Variants in SIGLEC11 observed in about 807,000 individuals in gnomAD.
SIGLEC11 encodes sialic acid binding Ig like lectin 11, also known as sialic acid-binding Ig-like lectin 11.
In SIGLEC11, 47 loss-of-function variants were observed where a neutral mutation model predicts 61.2. That is an observed-to-expected ratio of 0.77 (90% confidence interval 0.61 to 0.98). The LOEUF is 0.98. Ranked by LOEUF, SIGLEC11 falls within the 50% of genes least tolerant of loss-of-function variation. The pLI is 0.00. For synonymous variants in SIGLEC11, 278 were observed against 373.1 expected (o/e 0.75, Z 2.94); for missense variants, 610 against 870.3 (o/e 0.70, Z 3.76).
intron 8 of SIGLEC11, among the ~76,000 whole-genome samples, chr19:49,957,239 G>C (rs925623757): frequency 6.6e-6 from 1 of 152,122 alleles, no homozygotes; most frequent in East Asian, 1.9e-4. Context: ...AAGAAAAAAA[G>C]TGTCTCTTCA....
chr19:49,952,495 T>G (rs761843891), intron 8 of SIGLEC11, 101 bp from the exon 9 acceptor site: 83 of 758,024 alleles, frequency 1.1e-4, no homozygotes, highest in Non-Finnish European at 1.6e-4. Context: ...CATCCCCAAC[T>G]GAGGCAGAAA....
At position 49,951,272 on chromosome 19, in the gene SIGLEC11, T is replaced by C. The variant is rs182406893; in HGVS notation, c.1830+619A>G. On this transcript the variant is annotated intron_variant, in intron 10 of 10. Coordinates refer to ENST00000447370, the MANE Select transcript of SIGLEC11 (RefSeq NM_052884.3). This position sits in a 1 kb window ranked among gnomAD's most constrained non-coding sequence, Gnocchi z 4.6. ...CTGTCACACTTCCTTGCTGGGAGAATTGGGTGCTGTCCCCATGGCTCCCCT... is the reference window on the plus strand; with the variant it reads ...CTGTCACACTTCCTTGCTGGGAGAACTGGGTGCTGTCCCCATGGCTCCCCT... Among the ~76,000 whole-genome samples the C allele has an allele frequency of 3.4e-3, 525 of 152,252 alleles. 5 individuals are homozygous for C. Among genetic ancestry groups the C allele is most frequent in the African/African-American group, 0.012 (493 of 41,570 alleles).
In SIGLEC11 at chr19:49,951,813, G is replaced by A. The variant is rs2122880435; in HGVS notation, c.1830+78C>T. 1.9e-5 allele frequency: 24 copies of A among 1,259,460 alleles called. 1 individual carries two copies. The South Asian group carries it at 3.6e-4, about 19-fold the overall frequency. The allele number at this position is 1,259,460 out of a possible 1,614,324, so 78.0% of individuals were successfully genotyped here. ...TATTTGGGGCACAATGATTCTGCAA[G>A]TCACCAAGAGGACTACCCATGGCCA... On this transcript the variant is annotated intron_variant, in intron 10 of 10. Coordinates refer to ENST00000447370, the MANE Select transcript of SIGLEC11 (RefSeq NM_052884.3). This position sits in a 1 kb window ranked among gnomAD's most constrained non-coding sequence, Gnocchi z 4.6.
At chr19:49,952,830 T>C (rs2076167704) in intron 8 of SIGLEC11, among the ~76,000 whole-genome samples, 1 of 152,216 alleles carries the variant, frequency 6.6e-6, no homozygotes, top group Non-Finnish European at 1.5e-5. Flanking sequence ...CCACCAGCTA[T>C]GCAAGGCCAC....
At chr19:49,950,479 A>T (rs1427366677) in intron 10 of SIGLEC11, among the ~76,000 whole-genome samples, 1 of 152,152 alleles carries the variant, frequency 6.6e-6, no homozygotes, top group Non-Finnish European at 1.5e-5. Flanking sequence ...ACCACAATCC[A>T]GACTCATAAA....
chr19:49,952,004 A>G, intron 9 of SIGLEC11, 32 bp from the exon 10 acceptor site: 1 of 1,583,106 alleles, frequency 6.3e-7, no homozygotes, highest in East Asian at 2.3e-5. Context: ...TTCAGCCTCC[A>G]GGCTGGTCCA....
At chr19:49,956,616 A>C (rs191984107) in intron 8 of SIGLEC11, among the ~76,000 whole-genome samples, 10 of 152,316 alleles carry the variant, frequency 6.6e-5, no homozygotes, top group African/African-American at 1.9e-4. Flanking sequence ...CACACACACA[A>C]AAATAAAAAT....
intron 8 of SIGLEC11, among the ~76,000 whole-genome samples, chr19:49,956,546 A>G (rs766681651): frequency 1.1e-4 from 16 of 152,108 alleles, no homozygotes; most frequent in East Asian, 1.9e-4. Context: ...TCCTATTCCC[A>G]CTGCAACAGG....
At chr19:49,957,220 C>A (rs1191350002) in intron 8 of SIGLEC11, among the ~76,000 whole-genome samples, 1 of 152,062 alleles carries the variant, frequency 6.6e-6, no homozygotes, top group African/African-American at 2.4e-5. Context: ...AAATATCAAC[C>A]TTTGTCTAAA....
rs780433809 is a variant in SIGLEC11 at position 49,958,865 on chromosome 19, C to G, written c.1141G>C (p.Val381Leu). ...AGGCGCAGGCTTTGGCCCTCCAGGA[C>G]CGGGAGGGATGTGCCGTTCCCGAGG... Reference protein sequence around the residue: ...ENLGNGTSLPVLEGQSLRLVC... With the variant: ...ENLGNGTSLPLLEGQSLRLVC... The change falls in exon 7 of 11, where the codon GTC (valine) becomes CTC (leucine). Residue 381 changes from valine to leucine, a missense_variant. By Grantham distance (32) the Val-to-Leu change is conservative. Transcript: ENST00000447370. 6.9e-6 allele frequency: 11 copies of G among 1,604,336 alleles called. No individual in the cohort carries two copies. The Admixed American group carries it at 1.9e-4, about 27-fold the overall frequency.
intron 8 of SIGLEC11, among the ~76,000 whole-genome samples, chr19:49,954,547 G>A (rs923778032): frequency 1.1e-4 from 17 of 152,252 alleles, no homozygotes; most frequent in Middle Eastern, 3.4e-3. Flanking sequence ...GGGGGGCAAC[G>A]CACCTTCATC....
chr19:49,950,288 G>A lies in SIGLEC11; in HGVS notation c.1831-52C>T, dbSNP rs770715458. 1.4e-5 allele frequency: 20 copies of A among 1,420,630 alleles called. No homozygotes were observed. The African/African-American group carries it at 2.3e-4, about 16-fold the overall frequency. The allele number at this position is 1,420,630 out of a possible 1,614,324, so 88.0% of individuals were successfully genotyped here. A position where few individuals can be genotyped will look rare whatever the true frequency, so the allele number is the denominator to read the frequency against. ...AATTAGGGTCATGGGGGCTAAGCGAGAGCAAGGAGGATGCACAAGAGGATC... is the reference window on the plus strand; with the variant it reads ...AATTAGGGTCATGGGGGCTAAGCGAAAGCAAGGAGGATGCACAAGAGGATC... On this transcript the variant is annotated intron_variant, in intron 10 of 10. Transcript: ENST00000447370.
Position 49,959,062 on chromosome 19 carries a change from AGGTTCTCTG to A in SIGLEC11, c.1064_1072del (p.Pro355_Asn357del). ...GTTTGCTTGGGAAACCATCACTCTC[AGGTTCTCTG>A]GAGGATCTGAAATGGAGACAGGGGA... On this transcript the variant is annotated inframe_deletion, in exon 6 of 11. Transcript: ENST00000447370. 1 of 1,613,806 alleles carries A rather than the reference AGGTTCTCTG, an allele frequency of 6.2e-7. No homozygotes were observed. The highest frequency in any genetic ancestry group is 8.5e-7 in the Non-Finnish European group (1 of 1,179,800).
At position 49,961,156 on chromosome 19, in the gene SIGLEC11, A is replaced by G; in HGVS notation, c.-75T>C. 6.6e-7 allele frequency: 1 copy of G among 1,510,506 alleles called. No homozygotes were observed. The highest frequency in any genetic ancestry group is 8.8e-7 in the Non-Finnish European group (1 of 1,137,870). The allele number at this position is 1,510,506 out of a possible 1,614,324, so 93.6% of individuals were successfully genotyped here. On this transcript the variant is annotated 5_prime_UTR_variant, in exon 1 of 11. Transcript: ENST00000447370. ...CCTGGTGGAGGGGCAGTGACCATCC[A>G]CAGAGGAGGAGCCTCGGGAACCGCT...
chr19:49,949,827 G>C lies in SIGLEC11; in HGVS notation c.*143C>G, dbSNP rs568563951. The C allele has an allele frequency of 2.2e-4, 202 of 900,118 alleles. No homozygotes were observed. The highest frequency in any genetic ancestry group is 2.6e-4 in the Non-Finnish European group (175 of 672,276). The allele number at this position is 900,118 out of a possible 1,614,324, so 55.8% of individuals were successfully genotyped here. A position where few individuals can be genotyped will look rare whatever the true frequency, so the allele number is the denominator to read the frequency against. ...ACTGGACTCTGGCCTGGAGGACAGAGTCAGACCCTGTCTCAAAAAAAGTAT... is the reference window on the plus strand; with the variant it reads ...ACTGGACTCTGGCCTGGAGGACAGACTCAGACCCTGTCTCAAAAAAAGTAT... On this transcript the variant is annotated 3_prime_UTR_variant, in exon 11 of 11. Coordinates refer to ENST00000447370, the MANE Select transcript of SIGLEC11 (RefSeq NM_052884.3).
chr19:49,952,121 G>C, intron 9 of SIGLEC11, 149 bp from the exon 10 acceptor site: 3 of 1,018,624 alleles, frequency 2.9e-6, no homozygotes, highest in Non-Finnish European at 4.2e-6. Context: ...TGAGAACTGG[G>C]GACCCTCATA....
Position 49,951,993 on chromosome 19 carries a change from C to T in SIGLEC11, c.1749-21G>A. On this transcript the variant is annotated intron_variant, in intron 9 of 10. Transcript: ENST00000447370. The surrounding 1 kb of genome is among the most constrained non-coding windows in gnomAD (Gnocchi z 4.6). ...TCACCCTGAGGGAGGAGGCAGTGCC[C>T]TTCAGCCTCCAGGCTGGTCCAGAGC... 1 of 1,598,036 alleles carries T rather than the reference C, an allele frequency of 6.3e-7. No homozygotes were observed. The highest frequency in any genetic ancestry group is 8.5e-7 in the Non-Finnish European group (1 of 1,173,538).
intron 8 of SIGLEC11, among the ~76,000 whole-genome samples, chr19:49,957,447 G>C (rs1288655987): frequency 1.3e-5 from 2 of 151,584 alleles, no homozygotes; most frequent in Admixed American, 6.6e-5. Context: ...TCAAGGACAG[G>C]TATAAAATAA....
chr19:49,954,229 G>A (rs1262020172), intron 8 of SIGLEC11, among the ~76,000 whole-genome samples: 2 of 152,154 alleles, frequency 1.3e-5, no homozygotes, highest in African/African-American at 2.4e-5. Context: ...AAGAGCAAGA[G>A]AAGCCAGTTT....
Sources: allele counts gnomAD v4.1 joint callset (sites outside exome capture counted in the v4.1 genomes callset), GRCh38; gene constraint gnomAD v4.1.1; non-coding constraint Gnocchi (gnomAD v3.1); transcripts MANE v1.5; gene names NCBI Gene and HGNC (gene_info 2026-07-23, HGNC 2026-07-21).